Variants in ABAT observed in about 807,000 individuals in gnomAD.
ABAT encodes 4-aminobutyrate aminotransferase, also known as 4-aminobutyrate aminotransferase, mitochondrial.
In ABAT, 45 loss-of-function variants were observed where a neutral mutation model predicts 64.6. That is an observed-to-expected ratio of 0.70 (90% confidence interval 0.55 to 0.89). The LOEUF (loss-of-function observed/expected upper bound fraction) is 0.89, where lower values mean the gene tolerates loss of function less well. Among genes scored for constraint, ABAT ranks in the 40% least tolerant of loss-of-function variants. The pLI is 0.00. For missense variants in ABAT, 633 were observed against 658.4 expected (o/e 0.96, Z 0.42); for synonymous variants, 297 against 250.5 (o/e 1.19, Z -1.75).
At chr16:8,693,189 C>A (rs1020679051) in intron 1 of ABAT, among the ~76,000 whole-genome samples, 1 of 152,172 alleles carries the variant, frequency 6.6e-6, no homozygotes, top group East Asian at 1.9e-4. Flanking sequence ...AAAAACTTTA[C>A]TACTAATAGC....
chr16:8,701,540 G>C (rs1369529152), intron 1 of ABAT, among the ~76,000 whole-genome samples: 2 of 152,230 alleles, frequency 1.3e-5, no homozygotes. Context: ...CGATGTGACT[G>C]AGCAGGTGAC....
intron 2 of ABAT, among the ~76,000 whole-genome samples, chr16:8,742,132 G>T (rs1965647): frequency 0.99 from 151,380 of 152,318 alleles, 75,228 homozygotes; most frequent in Middle Eastern, 1. Flanking sequence ...GCCCCATAGC[G>T]CCCAGTTAGC....
At chr16:8,754,190 A>AT (rs1567304992) in intron 5 of ABAT, among the ~76,000 whole-genome samples, 1 of 147,112 alleles carries the variant, frequency 6.8e-6, no homozygotes, top group African/African-American at 2.5e-5. Flanking sequence ...AAAAAAAAAA[A>AT]AAAAAAAAAA....
chr16:8,704,225 G>C (rs1303975939), intron 1 of ABAT, among the ~76,000 whole-genome samples: 1 of 152,198 alleles, frequency 6.6e-6, no homozygotes, highest in Non-Finnish European at 1.5e-5. Context: ...TTTATAGTCT[G>C]TTTGGAAGCT....
At chr16:8,777,751 C>T (rs1171239963) in intron 14 of ABAT, among the ~76,000 whole-genome samples, 2 of 152,198 alleles carry the variant, frequency 1.3e-5, no homozygotes, top group African/African-American at 2.4e-5. Flanking sequence ...GCTGGAAGGA[C>T]TTCTGAGCCT....
At chr16:8,742,532 A>G (rs771431158) in intron 2 of ABAT, among the ~76,000 whole-genome samples, 1 of 152,086 alleles carries the variant, frequency 6.6e-6, no homozygotes, top group Non-Finnish European at 1.5e-5. Flanking sequence ...CTGTCCAGTT[A>G]TCCTGAGTTC....
At chr16:8,745,826 T>C (rs1181147659) in intron 2 of ABAT, among the ~76,000 whole-genome samples, 175 bp from the exon 3 acceptor site, 1 of 152,190 alleles carries the variant, frequency 6.6e-6, no homozygotes, top group Non-Finnish European at 1.5e-5. Flanking sequence ...AAATCTACAG[T>C]GTCCTTGTGG....
chr16:8,767,625 C>A (rs537266183), intron 9 of ABAT, among the ~76,000 whole-genome samples: 2 of 152,192 alleles, frequency 1.3e-5, no homozygotes, highest in Non-Finnish European at 2.9e-5. Context: ...CAGTGCAGCA[C>A]TGGTGAGAAG....
At position 8,768,892 on chromosome 16, in the gene ABAT, C is replaced by T. The variant is rs367831947; in HGVS notation, c.735C>T (p.Ile245=). The change falls in exon 11 of 16, where the codon ATC becomes ATT. Residue 245 remains isoleucine (I), a synonymous_variant. Coordinates refer to ENST00000268251, the MANE Select transcript of ABAT (RefSeq NM_020686.6). ...ACATCCCTTCCTTTGACTGGCCCATCGCACCGTTCCCACGGCTGAAATACC... is the reference window on the plus strand; with the variant it reads ...ACATCCCTTCCTTTGACTGGCCCATTGCACCGTTCCCACGGCTGAAATACC... The part of the protein sequence containing the change: ...KIDIPSFDWP[I]APFPRLKYPL... The T allele has an allele frequency of 3.8e-5, 62 of 1,614,178 alleles. No individual in the cohort carries two copies. Among genetic ancestry groups the T allele is most frequent in the African/African-American group, 2.5e-4 (19 of 75,032 alleles).
intron 15 of ABAT, among the ~76,000 whole-genome samples, chr16:8,779,839 G>A (rs1169200538): frequency 2.6e-5 from 4 of 152,220 alleles, no homozygotes; most frequent in African/African-American, 9.7e-5. Flanking sequence ...CAGTTACAGT[G>A]ATGATGAAGA....
At chr16:8,772,110 A>C (rs954980554) in intron 11 of ABAT, among the ~76,000 whole-genome samples, 19 of 152,150 alleles carry the variant, frequency 1.2e-4, no homozygotes, top group Non-Finnish European at 2.4e-4. Flanking sequence ...ATTCTGCCCC[A>C]AAAGGATTCT....
intron 6 of ABAT, among the ~76,000 whole-genome samples, chr16:8,759,164 G>C (rs1169617454): frequency 6.6e-6 from 1 of 152,020 alleles, no homozygotes; most frequent in Non-Finnish European, 1.5e-5. Context: ...CATGCATACA[G>C]CCTAAATGCA....
intron 1 of ABAT, among the ~76,000 whole-genome samples, chr16:8,684,471 G>T (rs1361190939): frequency 6.6e-6 from 1 of 152,156 alleles, no homozygotes; most frequent in Non-Finnish European, 1.5e-5. Context: ...TACTCAGGAA[G>T]CTGAGGCAGG....
chr16:8,721,553 C>A (rs1273395), intron 1 of ABAT, among the ~76,000 whole-genome samples: 3,421 of 152,322 alleles, frequency 0.022, 51 homozygotes, highest in Middle Eastern at 0.061. Context: ...AGACCTTGAA[C>A]AAGCCTTTTA....
At chr16:8,695,958 G>C (rs1483039358) in intron 1 of ABAT, among the ~76,000 whole-genome samples, 1 of 152,216 alleles carries the variant, frequency 6.6e-6, no homozygotes, top group Non-Finnish European at 1.5e-5. Context: ...AAGTCCCTTT[G>C]CCTGATGCTT....
chr16:8,720,193 T>C (rs1216311261), intron 1 of ABAT, among the ~76,000 whole-genome samples: 1 of 152,222 alleles, frequency 6.6e-6, no homozygotes, highest in Non-Finnish European at 1.5e-5. Context: ...ATGTACTTTC[T>C]TCAATTGACC....
At chr16:8,706,414 A>AG (rs1437686971) in intron 1 of ABAT, among the ~76,000 whole-genome samples, 2 of 148,104 alleles carry the variant, frequency 1.4e-5, no homozygotes, top group Admixed American at 6.7e-5. Context: ...CAAAAAAAAA[A>AG]AAAAAAAAAG....
intron 1 of ABAT, among the ~76,000 whole-genome samples, chr16:8,732,018 T>G (rs987543861): frequency 5.3e-5 from 8 of 150,654 alleles, no homozygotes; most frequent in East Asian, 3.9e-4. Flanking sequence ...CACGCCCGGG[T>G]AATTTTTTAT....
intron 5 of ABAT, chr16:8,757,395 T>G (rs1173060535): frequency 5.6e-6 from 2 of 358,872 alleles, no homozygotes; most frequent in Non-Finnish European, 1.1e-5. Context: ...CTGGAACTCC[T>G]GACCTCAAGT....
Sources: allele counts gnomAD v4.1 joint callset (sites outside exome capture counted in the v4.1 genomes callset), GRCh38; gene constraint gnomAD v4.1.1; transcripts MANE v1.5; gene names NCBI Gene and HGNC (gene_info 2026-07-23, HGNC 2026-07-21).